Variants in MECOM observed in about 807,000 individuals in gnomAD.
The protein encoded by MECOM is MDS1 and EVI1 complex locus.
A neutral mutation model predicts 116.3 loss-of-function variants in MECOM; 13 were observed. That is an observed-to-expected ratio of 0.11 (90% CI 0.07 to 0.18). The LOEUF is 0.18. MECOM is among the 10% of genes least tolerant of loss of function. The probability of loss-of-function intolerance (pLI) is 1.00; values close to 1 mark genes in which losing one functional copy is unlikely to be tolerated. For missense variants in MECOM, 1,299 were observed against 1,509.0 expected (o/e 0.86, Z 2.31); for synonymous variants, 528 against 535.2 (o/e 0.99, Z 0.19).
At chr3:169,399,205 A>C (rs1735482698) in intron 1 of MECOM, among the ~76,000 whole-genome samples, 1 of 152,172 alleles carries the variant, frequency 6.6e-6, no homozygotes, top group Non-Finnish European at 1.5e-5. Flanking sequence ...TAGATGCTCA[A>C]ATTCAAATTG....
intron 1 of MECOM, among the ~76,000 whole-genome samples, chr3:169,445,891 C>A (rs1279398632): frequency 6.6e-6 from 1 of 152,196 alleles, no homozygotes; most frequent in Non-Finnish European, 1.5e-5. Context: ...ATTTGACTAC[C>A]CCACTGGATT....
At chr3:169,524,984 A>T (rs2109106120) in intron 1 of MECOM, among the ~76,000 whole-genome samples, 1 of 152,340 alleles carries the variant, frequency 6.6e-6, no homozygotes, top group South Asian at 2.1e-4. Flanking sequence ...TTAAAAAAAA[A>T]AAAGACATAT....
intron 1 of MECOM, among the ~76,000 whole-genome samples, chr3:169,592,771 G>A (rs1766586084): frequency 6.6e-6 from 1 of 152,082 alleles, no homozygotes; most frequent in Non-Finnish European, 1.5e-5. Flanking sequence ...GGCACTTAAA[G>A]CCAAACAGCT....
chr3:169,143,882 T>G, intron 2 of MECOM, 50 bp from the exon 3 acceptor site: 1 of 1,493,920 alleles, frequency 6.7e-7, no homozygotes, highest in Non-Finnish European at 8.9e-7. Flanking sequence ...GCCCACTCAT[T>G]AAAATAATCA....
At chr3:169,659,289 G>A (rs1489073864) in intron 1 of MECOM, among the ~76,000 whole-genome samples, 1 of 151,920 alleles carries the variant, frequency 6.6e-6, no homozygotes, top group Non-Finnish European at 1.5e-5. Flanking sequence ...GCACTCTATA[G>A]CCAAGACCTG....
At chr3:169,384,306 GAACAT>G (rs1459927456) in intron 1 of MECOM, among the ~76,000 whole-genome samples, 1 of 152,070 alleles carries the variant, frequency 6.6e-6, no homozygotes, top group Non-Finnish European at 1.5e-5. Context: ...TGTAGAAATA[GAACAT>G]GATGAATTGT....
Position 169,259,709 on chromosome 3 carries a change from C to G in MECOM, c.376-115877G>C, listed in dbSNP as rs137908571. On this transcript the variant is annotated intron_variant, in intron 2 of 16. Coordinates refer to ENST00000651503, the MANE Select transcript of MECOM (RefSeq NM_004991.4). Reference sequence around the variant, plus strand: ...GGCCACTACAGTCCAGCCTGGGCAACAGAGTAATACCCTGTCTCAAAAAAA... The same window carrying G: ...GGCCACTACAGTCCAGCCTGGGCAAGAGAGTAATACCCTGTCTCAAAAAAA... Among the ~76,000 whole-genome samples the G allele has an allele frequency of 3.3e-3, 500 of 152,338 alleles. 1 individual carries two copies. Among genetic ancestry groups the G allele is most frequent in the African/African-American group, 0.011 (477 of 41,576 alleles).
intron 2 of MECOM, among the ~76,000 whole-genome samples, chr3:169,347,153 A>G (rs536866075): frequency 6.6e-6 from 1 of 152,158 alleles, no homozygotes; most frequent in East Asian, 1.9e-4. Context: ...AAAAAGAGAA[A>G]CAACATATAT....
chr3:169,594,244 C>T (rs1169412593), intron 1 of MECOM, among the ~76,000 whole-genome samples: 5 of 151,508 alleles, frequency 3.3e-5, no homozygotes, highest in Admixed American at 1.3e-4. Flanking sequence ...ACTAGCTGAC[C>T]CTTTGCTCTA....
chr3:169,277,603 A>T (rs1377254200), intron 2 of MECOM, among the ~76,000 whole-genome samples: 2 of 152,116 alleles, frequency 1.3e-5, no homozygotes, highest in Non-Finnish European at 2.9e-5. Flanking sequence ...ATAGTCTTTT[A>T]TTATTTCCAC....
chr3:169,298,366 G>GAT (rs1560102711), intron 2 of MECOM, among the ~76,000 whole-genome samples: 2 of 151,756 alleles, frequency 1.3e-5, no homozygotes, highest in Non-Finnish European at 2.9e-5. Context: ...TATTAAATGA[G>GAT]ATATGTATAT....
chr3:169,406,807 A>G (rs181308302), intron 1 of MECOM, among the ~76,000 whole-genome samples: 2 of 150,708 alleles, frequency 1.3e-5, no homozygotes, highest in East Asian at 1.9e-4. Context: ...TAATATTCTC[A>G]TATTATTCTA....
chr3:169,134,561 C>A (rs1735776821), intron 3 of MECOM, among the ~76,000 whole-genome samples: 1 of 152,144 alleles, frequency 6.6e-6, no homozygotes, highest in Admixed American at 6.6e-5. Flanking sequence ...GGCATGCTTC[C>A]CCATATAGCA....
intron 1 of MECOM, among the ~76,000 whole-genome samples, chr3:169,405,689 C>G (rs1736591248): frequency 6.6e-6 from 1 of 152,196 alleles, no homozygotes; most frequent in Non-Finnish European, 1.5e-5. Flanking sequence ...CTAATACTTA[C>G]TGTCATCCAA....
chr3:169,148,706 C>T (rs1740587824), intron 2 of MECOM, among the ~76,000 whole-genome samples: 1 of 152,096 alleles, frequency 6.6e-6, no homozygotes. Context: ...CAAGTGCCAC[C>T]CACTTTTTGT....
At chr3:169,308,713 A>T (rs980944364) in intron 2 of MECOM, among the ~76,000 whole-genome samples, 1 of 152,198 alleles carries the variant, frequency 6.6e-6, no homozygotes, top group East Asian at 1.9e-4. Flanking sequence ...ACAAAATTTT[A>T]GGAAAAAAAC....
At chr3:169,542,303 T>C (rs1760168297) in intron 1 of MECOM, among the ~76,000 whole-genome samples, 1 of 151,538 alleles carries the variant, frequency 6.6e-6, no homozygotes. Flanking sequence ...TGTTTTCTTT[T>C]AATGTTTTGT....
chr3:169,331,079 C>T lies in MECOM; in HGVS notation c.375+50108G>A, dbSNP rs192811210. ...ATCAATGATAATAACTACTACCCCA[C>T]CCTGTTTATTATGTTCTAGACACTG... On this transcript the variant is annotated intron_variant, in intron 2 of 16. Transcript: ENST00000651503. 2.1e-3 allele frequency among the ~76,000 whole-genome samples: 323 copies of T among 152,074 alleles called. 3 individuals are homozygous for T. Among genetic ancestry groups the T allele is most frequent in the African/African-American group, 7.4e-3 (306 of 41,506 alleles).
intron 2 of MECOM, among the ~76,000 whole-genome samples, chr3:169,198,260 G>A (rs911168373): frequency 2.6e-5 from 4 of 151,806 alleles, no homozygotes; most frequent in African/African-American, 9.7e-5. Context: ...TATGAAATAA[G>A]GTTTTATTTT....
Sources: allele counts gnomAD v4.1 joint callset (sites outside exome capture counted in the v4.1 genomes callset), GRCh38; gene constraint gnomAD v4.1.1; transcripts MANE v1.5; gene names NCBI Gene and HGNC (gene_info 2026-07-23, HGNC 2026-07-21).